SCARF1: variants seen among roughly 807,000 people sequenced by gnomAD.
SCARF1 encodes acetyl LDL receptor.
A neutral mutation model predicts 76.3 loss-of-function variants in SCARF1; 49 were observed. That is an observed-to-expected ratio of 0.64 (90% confidence interval 0.51 to 0.81). SCARF1 has a LOEUF of 0.81. SCARF1 is among the 40% of genes least tolerant of loss of function. The pLI, the probability that SCARF1 is intolerant of heterozygous loss-of-function variation, is 0.00. For missense variants in SCARF1, 1,098 were observed against 1,143.9 expected, an observed-to-expected ratio of 0.96 and a Z score of 0.58; for synonymous variants, 495 against 474.6, an observed-to-expected ratio of 1.04 and a Z score of -0.56.
Position 1,643,895 on chromosome 17 carries a change from G to A in SCARF1, c.338C>T (p.Pro113Leu), listed in dbSNP as rs1399534424. The stretch of plus-strand genomic sequence containing the variant: ...CTGGCACTGGCACGCGCCCGTGGCT[G>A]GCTCGCACTGGCCGTGCGGGTGGCA... ...CPCHPHGQCEPATGACQCQAD... is the reference protein window; with the variant it reads ...CPCHPHGQCELATGACQCQAD... The change falls in exon 4 of 11, where the codon CCA becomes CTA. Residue 113 changes from proline (P) to leucine (L), a missense_variant. Physicochemically the swap from Pro to Leu is moderately conservative, Grantham distance 98. Coordinates refer to ENST00000263071, the MANE Select transcript of SCARF1 (RefSeq NM_003693.4). The A allele has an allele frequency of 8.3e-6, 11 of 1,329,312 alleles. No individual in the cohort carries two copies. The South Asian group carries it at 1.4e-4, about 17-fold the overall frequency. 82.3% of individuals were successfully genotyped at this position (1,329,312 alleles called of 1,614,324 possible).
rs1909371507 is a variant in SCARF1 at position 1,634,732 on chromosome 17, C to T, written c.*26G>A. 1 of 1,558,196 alleles carries T rather than the reference C, an allele frequency of 6.4e-7. No homozygotes were observed. Among genetic ancestry groups the T allele is most frequent in the Non-Finnish European group, 8.7e-7 (1 of 1,149,428 alleles). ...CACAGCACAGTCTAGTCCATCCACT[C>T]TCCCCACTCCCCAAATTCAAGGTCA... On this transcript the variant is annotated 3_prime_UTR_variant, in exon 11 of 11. Coordinates refer to ENST00000263071, the MANE Select transcript of SCARF1 (RefSeq NM_003693.4).
Position 1,644,819 on chromosome 17 carries a change from G to T in SCARF1, c.265+15C>A. The T allele has an allele frequency of 6.2e-7, 1 of 1,607,644 alleles. No individual in the cohort carries two copies. Among genetic ancestry groups the T allele is most frequent in the East Asian group, 2.2e-5 (1 of 44,782 alleles). Reference sequence around the variant, plus strand: ...CAGCTCTGCCCAGCAACTTCATCTGGCCCTTGAGACTCACGGGAGCTGCAG... The same window carrying T: ...CAGCTCTGCCCAGCAACTTCATCTGTCCCTTGAGACTCACGGGAGCTGCAG... On this transcript the variant is annotated intron_variant, in intron 3 of 10. Transcript: ENST00000263071. The surrounding 1 kb of genome is among the most constrained non-coding windows in gnomAD (Gnocchi z 4.8).
In SCARF1 at chr17:1,645,030, G is replaced by C. The variant is rs1320548778; in HGVS notation, c.164-95C>G. ...CTCCAGGGGCCATGCCTCCTCAAGA[G>C]GTGCCCCTTCAGGCCTGGGGGTGCG... On this transcript the variant is annotated intron_variant, in intron 2 of 10. Transcript: ENST00000263071. This position sits in a 1 kb window ranked among gnomAD's most constrained non-coding sequence, Gnocchi z 6.3. 3.9e-6 allele frequency: 6 copies of C among 1,530,532 alleles called. No homozygotes were observed. The African/African-American group carries it at 6.8e-5, about 17-fold the overall frequency. The allele number at this position is 1,530,532 out of a possible 1,614,324, so 94.8% of individuals were successfully genotyped here.
chr17:1,643,427 G>A lies in SCARF1; in HGVS notation c.791+15C>T, dbSNP rs1910248590. 3.1e-6 allele frequency: 3 copies of A among 954,098 alleles called. No homozygotes were observed. The highest frequency in any genetic ancestry group is 4.0e-5 in the African/African-American group (2 of 49,522). 59.1% of individuals were successfully genotyped at this position (954,098 alleles called of 1,614,324 possible). The stretch of plus-strand genomic sequence containing the variant: ...CCGCCCCGCCAGCCCACCTGTCCCC[G>A]CCCCGCCCGCTCACCTGTGTGCGCA... On this transcript the variant is annotated intron_variant, in intron 4 of 10. Transcript: ENST00000263071.
At chr17:1,635,866 C>G (rs900801443) in intron 10 of SCARF1, among the ~76,000 whole-genome samples, 1 of 151,734 alleles carries the variant, frequency 6.6e-6, no homozygotes, top group African/African-American at 2.4e-5. Flanking sequence ...AAGCAGTCCT[C>G]CCGCCTCAGC....
In SCARF1 at chr17:1,640,787, G is replaced by T; in HGVS notation, c.792-121C>A. 1 of 868,940 alleles carries T rather than the reference G, an allele frequency of 1.2e-6. No individual in the cohort carries two copies. The highest frequency in any genetic ancestry group is 1.6e-5 in the South Asian group (1 of 62,526). The allele number at this position is 868,940 out of a possible 1,614,324, so 53.8% of individuals were successfully genotyped here. A position where few individuals can be genotyped will look rare whatever the true frequency, so the allele number is the denominator to read the frequency against. On this transcript the variant is annotated intron_variant, in intron 4 of 10. Transcript: ENST00000263071. This position sits in a 1 kb window ranked among gnomAD's most constrained non-coding sequence, Gnocchi z 4.7. ...CTGGAGAGTGTTCGGGTCCCACCTGGGTCAGGCAGGTTTGAGCCTCAGTTT... is the reference window on the plus strand; with the variant it reads ...CTGGAGAGTGTTCGGGTCCCACCTGTGTCAGGCAGGTTTGAGCCTCAGTTT...
At position 1,635,307 on chromosome 17, in the gene SCARF1, C is replaced by T. The variant is rs531229068; in HGVS notation, c.1944G>A (p.Pro648=). The T allele has an allele frequency of 1.1e-4, 171 of 1,612,322 alleles. 1 individual carries two copies. The East Asian group carries it at 3.3e-3, about 31-fold the overall frequency. Residue 648 remains proline (P), a synonymous_variant, in exon 11 of 11, where the codon CCG becomes CCA. Transcript: ENST00000263071. ...CTGAATCCCCGGGACTGGCAGCCGC[C>T]GGAAAGGACTCGGGGGCTTCTGCTT... ...PEEAEAPESF[P]AAASPGDSAT... is the part of the protein sequence containing the mutation.
In SCARF1 at chr17:1,636,871, A is replaced by T. The variant is rs1047667599; in HGVS notation, c.1487-16T>A. ...TGATGTGAGACTGTAGAGACTCCAG[A>T]TCAGGCGCCTGCAGGACCTGATGCA... On this transcript the variant is annotated splice_polypyrimidine_tract_variant and intron_variant, in intron 9 of 10. Transcript: ENST00000263071. 1.9e-6 allele frequency: 3 copies of T among 1,613,714 alleles called. No individual in the cohort carries two copies. In the African/African-American group the frequency reaches 4.0e-5, roughly 22 times the overall value.
intron 8 of SCARF1, among the ~76,000 whole-genome samples, chr17:1,637,856 G>A (rs1323939148): frequency 6.6e-6 from 1 of 152,190 alleles, no homozygotes; most frequent in East Asian, 1.9e-4. Context: ...AGACTGCTCT[G>A]CTCTTCACTG....
At chr17:1,639,215 A>G (rs1233983023) in intron 7 of SCARF1, among the ~76,000 whole-genome samples, 3 of 152,198 alleles carry the variant, frequency 2.0e-5, no homozygotes, top group African/African-American at 4.8e-5. Flanking sequence ...GGTATAAAGA[A>G]TGTCTCTGGG....
Position 1,634,768 on chromosome 17 carries a change from G to C in SCARF1, c.2483C>G (p.Pro828Arg). Residue 828 changes from proline to arginine, a missense_variant, in exon 11 of 11, where the codon CCA becomes CGA. Coordinates refer to ENST00000263071, the MANE Select transcript of SCARF1 (RefSeq NM_003693.4). Reference protein sequence around the residue: ...YENVVPISRPPEP With the variant: ...YENVVPISRPREP ...CCAAATTCAAGGTCATCAGGGTTCT[G>C]GTGGCCTGGAGATGGGTACAACATT... is the stretch of plus-strand genomic sequence containing the variant. 6.3e-7 allele frequency: 1 copy of C among 1,593,132 alleles called. No homozygotes were observed. Among genetic ancestry groups the C allele is most frequent in the Non-Finnish European group, 8.6e-7 (1 of 1,166,234 alleles).
rs774457583 is a variant in SCARF1, at chr17:1,640,400, G to T, written c.1010+48C>A. On this transcript the variant is annotated intron_variant, in intron 5 of 10. Coordinates refer to ENST00000263071, the MANE Select transcript of SCARF1 (RefSeq NM_003693.4). The surrounding 1 kb of genome is among the most constrained non-coding windows in gnomAD (Gnocchi z 4.7). ...TCTCGGAGAGAGCCGCTGAGCTGAG[G>T]GTCCTGGGGGAAGGTGTACCCCACC... 4 of 1,485,546 alleles carry T rather than the reference G, an allele frequency of 2.7e-6. No individual in the cohort carries two copies. In the South Asian group the frequency reaches 4.9e-5, roughly 18 times the overall value. The allele number at this position is 1,485,546 out of a possible 1,614,324, so 92.0% of individuals were successfully genotyped here.
chr17:1,642,803 A>C (rs1392231963), intron 4 of SCARF1, among the ~76,000 whole-genome samples: 1 of 152,104 alleles, frequency 6.6e-6, no homozygotes, highest in Non-Finnish European at 1.5e-5. Context: ...CTCCGCCTCC[A>C]GGGCTCAAGC....
intron 4 of SCARF1, among the ~76,000 whole-genome samples, chr17:1,642,660 T>C (rs1412115004): frequency 6.6e-6 from 1 of 152,144 alleles, no homozygotes; most frequent in East Asian, 1.9e-4. Flanking sequence ...CAGTAATCAA[T>C]GAAATGAGCA....
intron 4 of SCARF1, 22 bp downstream of exon 4, chr17:1,643,420 T>G (rs1910248044): frequency 2.2e-6 from 2 of 889,282 alleles, no homozygotes; most frequent in Non-Finnish European, 2.6e-6. Context: ...CCAGCCCACC[T>G]GTCCCCGCCC....
In SCARF1 at chr17:1,645,450, G is replaced by A. The variant is rs563970944; in HGVS notation, c.101+147C>T. ...CTGGCTGGCCACTACCTGCCAGACC[G>A]CCATCAGCAGTCCCTTCCTTTCAGC... On this transcript the variant is annotated intron_variant, in intron 1 of 10. Coordinates refer to ENST00000263071, the MANE Select transcript of SCARF1 (RefSeq NM_003693.4). The surrounding 1 kb of genome is among the most constrained non-coding windows in gnomAD (Gnocchi z 6.3). 7.5e-5 allele frequency: 114 copies of A among 1,509,980 alleles called. No individual in the cohort carries two copies. Among genetic ancestry groups the A allele is most frequent in the Middle Eastern group, 2.1e-4 (1 of 4,846 alleles). The allele number at this position is 1,509,980 out of a possible 1,614,324, so 93.5% of individuals were successfully genotyped here. A position where few individuals can be genotyped will look rare whatever the true frequency, so the allele number is the denominator to read the frequency against.
In SCARF1 at chr17:1,640,589, C is replaced by G; in HGVS notation, c.869G>C (p.Gly290Ala). Residue 290 changes from glycine to alanine, a missense_variant, in exon 5 of 11, where the codon GGG becomes GCG. By Grantham distance (60) the Gly-to-Ala change is moderately conservative. Transcript: ENST00000263071. The surrounding 1 kb of genome is among the most constrained non-coding windows in gnomAD (Gnocchi z 4.7). ...SCESCEPGWN[G>A]TQCQQPCLPG... Reference sequence around the variant, plus strand: ...CAGGCAGGGCTGCTGGCACTGGGTCCCGTTCCAGCCCGGCTCGCAGGACTC... The same window carrying G: ...CAGGCAGGGCTGCTGGCACTGGGTCGCGTTCCAGCCCGGCTCGCAGGACTC... 6.2e-7 allele frequency: 1 copy of G among 1,612,032 alleles called. No individual in the cohort carries two copies. The highest frequency in any genetic ancestry group is 1.1e-5 in the South Asian group (1 of 90,748).
Position 1,636,767 on chromosome 17 carries a change from G to A in SCARF1, c.1575C>T (p.Ser525=), listed in dbSNP as rs540456173. The change falls in exon 10 of 11, where the codon TCC becomes TCT. Residue 525 remains serine, a synonymous_variant. Coordinates refer to ENST00000263071, the MANE Select transcript of SCARF1 (RefSeq NM_003693.4). ...CATCTGCCTCTCCAGACTCAGGATC[G>A]GATGAGAAGGAGTCATCAGTGGCCC... ...AGWATDDSFS[S]DPESGEADEV... is the part of the protein sequence containing the mutation. The A allele has an allele frequency of 1.9e-5, 31 of 1,614,080 alleles. 1 individual carries two copies. Among genetic ancestry groups the A allele is most frequent in the Admixed American group, 8.3e-5 (5 of 60,016 alleles).
chr17:1,640,585 G>T lies in SCARF1; in HGVS notation c.873C>A (p.Thr291=), dbSNP rs762204808. Residue 291 remains threonine, a synonymous_variant, in exon 5 of 11, where the codon ACC becomes ACA. Transcript: ENST00000263071. This position sits in a 1 kb window ranked among gnomAD's most constrained non-coding sequence, Gnocchi z 4.7. ...CAGGCAGGCAGGGCTGCTGGCACTG[G>T]GTCCCGTTCCAGCCCGGCTCGCAGG... ...CESCEPGWNG[T]QCQQPCLPGT... 6.2e-7 allele frequency: 1 copy of T among 1,612,046 alleles called. No homozygotes were observed. Among genetic ancestry groups the T allele is most frequent in the South Asian group, 1.1e-5 (1 of 90,728 alleles).
Sources: gnomAD v4.1 joint callset for allele counts (sites outside exome capture counted in the v4.1 genomes callset) on GRCh38, gnomAD v4.1.1 for gene constraint, Gnocchi (gnomAD v3.1) non-coding constraint, MANE v1.5 for transcripts, NCBI Gene and HGNC (gene_info 2026-07-23, HGNC 2026-07-21) for gene names.